ADGRD1: variants seen among roughly 807,000 people sequenced by gnomAD.
ADGRD1 encodes the protein adhesion G protein-coupled receptor D1, also known as G-protein coupled receptor 133.
A neutral mutation model predicts 113.4 loss-of-function variants in ADGRD1; 77 were observed. The observed-to-expected ratio is 0.68, with a 90% CI of 0.57 to 0.82. ADGRD1 has a LOEUF of 0.82. Among genes scored for constraint, ADGRD1 ranks in the 40% least tolerant of loss-of-function variants. ADGRD1 has a pLI of 0.00. For missense variants in ADGRD1, 1,036 were observed against 1,139.1 expected, an observed-to-expected ratio of 0.91 and a Z score of 1.30; for synonymous variants, 474 against 475.0, an observed-to-expected ratio of 1.00 and a Z score of 0.03.
chr12:131,024,181 C>T (rs1879673596), intron 13 of ADGRD1: 1 of 152,308 alleles, frequency 6.6e-6, no homozygotes, highest in Admixed American at 6.5e-5. Context: ...GGCAGAGCGG[C>T]CTGGGGGGAG....
chr12:131,004,919 A>T (rs1876895124), intron 11 of ADGRD1, among the ~76,000 whole-genome samples: 1 of 152,174 alleles, frequency 6.6e-6, no homozygotes. Context: ...TGGAAAAGCG[A>T]ATATGACTCT....
rs35361876 is a variant in ADGRD1, at chr12:131,140,883, G to A, written c.*1620G>A. The A allele has an allele frequency of 0.036, 5,429 of 152,442 alleles. 304 individuals are homozygous for A. The highest frequency in any genetic ancestry group is 0.12 in the African/African-American group (4,799 of 41,572). 9.4% of individuals were successfully genotyped at this position (152,442 alleles called of 1,614,324 possible). On this transcript the variant is annotated 3_prime_UTR_variant, in exon 25 of 25. Coordinates refer to ENST00000261654, the MANE Select transcript of ADGRD1 (RefSeq NM_198827.5). ...ATGGTGACAGTGCCACGGGCCCTGC[G>A]TATGGCCCCTGCAACCGTGCTCTGG... is the stretch of plus-strand genomic sequence containing the variant.
chr12:131,129,628 G>C (rs1410425184), intron 20 of ADGRD1, among the ~76,000 whole-genome samples: 1 of 152,214 alleles, frequency 6.6e-6, no homozygotes, highest in Admixed American at 6.5e-5. Flanking sequence ...CAAGGGAAAG[G>C]GGCAGGAGTT....
intron 17 of ADGRD1, among the ~76,000 whole-genome samples, chr12:131,107,903 G>A (rs75404846): frequency 0.012 from 1,847 of 152,312 alleles, 39 homozygotes; most frequent in African/African-American, 0.041. Flanking sequence ...GTTGTCCTGG[G>A]GTCCTTGGTT....
At chr12:131,071,687 G>A (rs1315675770) in intron 13 of ADGRD1, among the ~76,000 whole-genome samples, 1 of 152,214 alleles carries the variant, frequency 6.6e-6, no homozygotes. Flanking sequence ...ATGTGTCCAG[G>A]AGGCCCGAGG....
intron 20 of ADGRD1, among the ~76,000 whole-genome samples, chr12:131,129,201 T>A (rs1393825380): frequency 1.8e-5 from 2 of 108,408 alleles, no homozygotes; most frequent in Non-Finnish European, 3.6e-5. Context: ...CTGGTGTGAG[T>A]GACAGCCCCG....
chr12:131,124,146 A>G (rs1169961930), intron 20 of ADGRD1, among the ~76,000 whole-genome samples: 2 of 152,148 alleles, frequency 1.3e-5, no homozygotes, highest in Non-Finnish European at 2.9e-5. Context: ...TGTCCCTCTC[A>G]CGTCTTCAGA....
intron 21 of ADGRD1, among the ~76,000 whole-genome samples, chr12:131,132,500 G>A (rs571421316): frequency 1.0e-4 from 15 of 150,558 alleles, no homozygotes; most frequent in African/African-American, 3.2e-4. Context: ...AAGCCCTGGC[G>A]TTGCAGGAAT....
At chr12:131,068,844 G>C (rs563392091) in intron 13 of ADGRD1, among the ~76,000 whole-genome samples, 1 of 152,330 alleles carries the variant, frequency 6.6e-6, no homozygotes, top group Non-Finnish European at 1.5e-5. Flanking sequence ...AGTAGCCATG[G>C]CCCAGGAGCC....
Position 130,966,520 on chromosome 12 carries a change from T to A in ADGRD1, c.161T>A (p.Ile54Asn). The stretch of plus-strand genomic sequence containing the variant: ...TGGCCACTGGAGAATGTGGATGGGA[T>A]CCATGAACTTCAGGATACAACTGGA... Reference protein sequence around the residue: ...HYWPLENVDGIHELQDTTGDI... With the variant: ...HYWPLENVDGNHELQDTTGDI... The change falls in exon 3 of 25, where the codon ATC becomes AAC. Residue 54 changes from isoleucine (I) to asparagine (N), a missense_variant. By Grantham distance (149) the Ile-to-Asn change is moderately radical. Transcript: ENST00000261654. The surrounding 1 kb of genome is among the most constrained non-coding windows in gnomAD (Gnocchi z 4.6). 1 of 1,610,744 alleles carries A rather than the reference T, an allele frequency of 6.2e-7. No homozygotes were observed. The highest frequency in any genetic ancestry group is 8.5e-7 in the Non-Finnish European group (1 of 1,176,928).
intron 15 of ADGRD1, among the ~76,000 whole-genome samples, chr12:131,087,628 C>G (rs2137230590): frequency 6.6e-6 from 1 of 152,346 alleles, no homozygotes; most frequent in South Asian, 2.1e-4. Context: ...ATTGTGCAGG[C>G]AGCTGTGACC....
chr12:131,052,604 C>T (rs150698873), intron 13 of ADGRD1, among the ~76,000 whole-genome samples: 11 of 150,474 alleles, frequency 7.3e-5, no homozygotes, highest in East Asian at 4.0e-4. Flanking sequence ...ATAAAATGCA[C>T]GGATTGGCTT....
At chr12:130,962,761 T>C (rs1378797774) in intron 2 of ADGRD1, 1 of 152,222 alleles carries the variant, frequency 6.6e-6, no homozygotes, top group East Asian at 1.9e-4. Flanking sequence ...GTTTAGATAC[T>C]TCTCTTTAGC....
At chr12:131,138,264 C>T in intron 24 of ADGRD1, 35 bp downstream of exon 24, 2 of 1,569,358 alleles carry the variant, frequency 1.3e-6, no homozygotes, top group South Asian at 2.2e-5. Flanking sequence ...GGGTCCCAGC[C>T]CATCCTCCTT....
At chr12:131,018,582 C>T (rs1196487539) in intron 13 of ADGRD1, among the ~76,000 whole-genome samples, 1 of 152,202 alleles carries the variant, frequency 6.6e-6, no homozygotes, top group Non-Finnish European at 1.5e-5. Flanking sequence ...AACAATCCCG[C>T]TCTTCTATTT....
At chr12:131,046,635 C>T (rs376798205) in intron 13 of ADGRD1, among the ~76,000 whole-genome samples, 17 of 130,218 alleles carry the variant, frequency 1.3e-4, no homozygotes, top group East Asian at 9.7e-4. Context: ...CAGTGTCCTC[C>T]CTGGTCAGTG....
chr12:130,971,665 C>A lies in ADGRD1; in HGVS notation c.310+85C>A. The A allele has an allele frequency of 7.1e-7, 1 of 1,414,924 alleles. No individual in the cohort carries two copies. Among genetic ancestry groups the A allele is most frequent in the Non-Finnish European group, 9.6e-7 (1 of 1,043,878 alleles). The allele number at this position is 1,414,924 out of a possible 1,614,324, so 87.6% of individuals were successfully genotyped here. ...TCCTCTGGTGACTGGAAGATGTGAA[C>A]CTGAGGTTCTCATCAATTGCAGAAT... is the stretch of plus-strand genomic sequence containing the variant. On this transcript the variant is annotated intron_variant, in intron 4 of 24. Transcript: ENST00000261654. This position sits in a 1 kb window ranked among gnomAD's most constrained non-coding sequence, Gnocchi z 4.2.
chr12:130,997,034 A>C (rs1875555927), intron 8 of ADGRD1, among the ~76,000 whole-genome samples: 2 of 120,144 alleles, frequency 1.7e-5, no homozygotes, highest in African/African-American at 3.3e-5. Context: ...TCCCTCCCGG[A>C]CGGGGCGGCT....
chr12:131,084,831 G>T lies in ADGRD1; in HGVS notation c.1671+168G>T, dbSNP rs913308144. On this transcript the variant is annotated intron_variant, in intron 15 of 24. Transcript: ENST00000261654. This position sits in a 1 kb window ranked among gnomAD's most constrained non-coding sequence, Gnocchi z 4.5. ...ATTCTCTTGGCTTCTGTAGTCCAGG[G>T]TCCTGCATGTATTGGGTGCCAGCAA... 5.3e-5 allele frequency among the ~76,000 whole-genome samples: 8 copies of T among 152,342 alleles called. 1 individual carries two copies. In the South Asian group the frequency reaches 1.2e-3, roughly 24 times the overall value.
Sources: gnomAD v4.1 joint callset for allele counts (sites outside exome capture counted in the v4.1 genomes callset) on GRCh38, gnomAD v4.1.1 for gene constraint, Gnocchi (gnomAD v3.1) non-coding constraint, MANE v1.5 for transcripts, NCBI Gene and HGNC (gene_info 2026-07-23, HGNC 2026-07-21) for gene names.